UGT1A6: variants seen among roughly 807,000 people sequenced by gnomAD.
The protein encoded by UGT1A6 is UDP-glucuronosyltransferase 1A6.
UGT1A6 carries 32 observed loss-of-function variants against 44.4 expected under a neutral mutation model. The observed-to-expected ratio is 0.72, with a 90% CI of 0.54 to 0.97. UGT1A6 has a LOEUF of 0.97. Ranked by LOEUF, UGT1A6 falls within the 50% of genes least tolerant of loss-of-function variation. The pLI is 0.00. For synonymous variants in UGT1A6, 238 were observed against 248.5 expected (o/e 0.96, Z 0.40); for missense variants, 685 against 661.9 (o/e 1.03, Z -0.38).
rs1699312336 is a variant in UGT1A6, at chr2:233,767,034, G to A, written c.862G>A (p.Glu288Lys). ...CTGAAAATTTTTCTTCTGGCTCTAG[G>A]AATTTGAAGCCTACATTAATGCTTC... ...NCKKRKDLSQEFEAYINASGE... is the reference protein window; with the variant it reads ...NCKKRKDLSQKFEAYINASGE... The change falls in exon 2 of 5, where the codon GAA becomes AAA. Residue 288 changes from glutamate (E) to lysine (K), a missense_variant and splice_region_variant. Physicochemically the swap from Glu to Lys is moderately conservative, Grantham distance 56. Transcript: ENST00000305139. 16 of 1,614,030 alleles carry A rather than the reference G, an allele frequency of 9.9e-6. No homozygotes were observed. The highest frequency in any genetic ancestry group is 1.4e-5 in the Non-Finnish European group (16 of 1,180,002).
intron 1 of UGT1A6, chr2:233,760,792 G>C (rs1185395607): frequency 6.2e-7 from 1 of 1,613,510 alleles, no homozygotes. Flanking sequence ...TCTGCCCACT[G>C]TATTCTTCTT....
chr2:233,763,551 G>A (rs946650773), intron 1 of UGT1A6, among the ~76,000 whole-genome samples: 3 of 152,122 alleles, frequency 2.0e-5, no homozygotes, highest in African/African-American at 7.2e-5. Context: ...CTACTGGTTG[G>A]TCAAGTTACT....
intron 1 of UGT1A6, among the ~76,000 whole-genome samples, chr2:233,703,636 A>G (rs1485520646): frequency 2.0e-5 from 3 of 152,118 alleles, no homozygotes; most frequent in Admixed American, 2.0e-4. Context: ...TGATATTAGT[A>G]TAACCAATCT....
rs1178293466 is a variant in UGT1A6 at position 233,747,267 on chromosome 2, C to A, written c.862-19767C>A. On this transcript the variant is annotated intron_variant, in intron 1 of 4. Coordinates refer to ENST00000305139, the MANE Select transcript of UGT1A6 (RefSeq NM_001072.4). Reference sequence around the variant, plus strand: ...TGTGGCTGGCCACAGGAGTGCTACTCCTTCTCAGTGCCCAGCCCTGGGCTG... The same window carrying A: ...TGTGGCTGGCCACAGGAGTGCTACTACTTCTCAGTGCCCAGCCCTGGGCTG... 4 of 1,599,414 alleles carry A rather than the reference C, an allele frequency of 2.5e-6. No individual in the cohort carries two copies. In the South Asian group the frequency reaches 3.4e-5, roughly 13 times the overall value.
At chr2:233,717,182 C>A (rs1378916239) in intron 1 of UGT1A6, among the ~76,000 whole-genome samples, 1 of 152,140 alleles carries the variant, frequency 6.6e-6, no homozygotes, top group Non-Finnish European at 1.5e-5. Context: ...GCAAGAGCAC[C>A]CTCCCAGGCA....
At position 233,769,466 on chromosome 2, in the gene UGT1A6, T is replaced by C. The variant is rs1023177408; in HGVS notation, c.1301+1027T>C. On this transcript the variant is annotated intron_variant, in intron 4 of 4. Coordinates refer to ENST00000305139, the MANE Select transcript of UGT1A6 (RefSeq NM_001072.4). The surrounding 1 kb of genome is among the most constrained non-coding windows in gnomAD (Gnocchi z 4.4). ...GTGCACACGTGTGCATTCATATGCG[T>C]GTGTGTGTGTGTGCGTGTGTTTATG... 86 of 1,281,398 alleles carry C rather than the reference T, an allele frequency of 6.7e-5. No homozygotes were observed. The South Asian group carries it at 1.2e-3, about 18-fold the overall frequency. 79.4% of individuals were successfully genotyped at this position (1,281,398 alleles called of 1,614,324 possible).
At chr2:233,709,538 T>C (rs957537523) in intron 1 of UGT1A6, among the ~76,000 whole-genome samples, 1 of 152,188 alleles carries the variant, frequency 6.6e-6, no homozygotes, top group African/African-American at 2.4e-5. Flanking sequence ...CCTACTGTGA[T>C]ATATGTAAGT....
At chr2:233,719,310 T>C in intron 1 of UGT1A6, 6 of 1,613,982 alleles carry the variant, frequency 3.7e-6, no homozygotes, top group Non-Finnish European at 5.1e-6. Context: ...GCTGGCTAAG[T>C]ACCTGTCGAT....
At position 233,712,249 on chromosome 2, in the gene UGT1A6, T is replaced by C. The variant is rs1173166016; in HGVS notation, c.861+18384T>C. 2.0e-5 allele frequency among the ~76,000 whole-genome samples: 3 copies of C among 152,232 alleles called. No individual in the cohort carries two copies. The East Asian group carries it at 5.8e-4, about 29-fold the overall frequency. On this transcript the variant is annotated intron_variant, in intron 1 of 4. Coordinates refer to ENST00000305139, the MANE Select transcript of UGT1A6 (RefSeq NM_001072.4). ...CCACCATGGGTCTTTGCTAGGGTTGTCTTGCACATGTGTGCTTTAGACAGC... is the reference window on the plus strand; with the variant it reads ...CCACCATGGGTCTTTGCTAGGGTTGCCTTGCACATGTGTGCTTTAGACAGC...
At chr2:233,710,698 G>A (rs1267574766) in intron 1 of UGT1A6, among the ~76,000 whole-genome samples, 1 of 152,116 alleles carries the variant, frequency 6.6e-6, no homozygotes, top group Non-Finnish European at 1.5e-5. Flanking sequence ...TCTGGTGTGT[G>A]GTGTCCTTTG....
chr2:233,716,952 C>T (rs1236803568), intron 1 of UGT1A6, among the ~76,000 whole-genome samples: 3 of 152,142 alleles, frequency 2.0e-5, no homozygotes, highest in Non-Finnish European at 4.4e-5. Context: ...TCCCAGGCAC[C>T]AGGAATGTGA....
chr2:233,728,044 C>T (rs568632744), intron 1 of UGT1A6, among the ~76,000 whole-genome samples: 1 of 152,330 alleles, frequency 6.6e-6, no homozygotes, highest in African/African-American at 2.4e-5. Context: ...GGATAAGCCT[C>T]ATTGGGCTTG....
chr2:233,761,475 T>C (rs930055799), intron 1 of UGT1A6, among the ~76,000 whole-genome samples: 6 of 152,232 alleles, frequency 3.9e-5, no homozygotes, highest in African/African-American at 1.2e-4. Flanking sequence ...GAAAACTCAG[T>C]TGAAGCCTGC....
rs767800703 is a variant in UGT1A6 at position 233,760,482 on chromosome 2, G to A, written c.862-6552G>A. 9.3e-6 allele frequency: 15 copies of A among 1,614,120 alleles called. No homozygotes were observed. The highest frequency in any genetic ancestry group is 4.0e-5 in the African/African-American group (3 of 74,938). ...TAGTTGTCCTAGCACCTGACGCCTC[G>A]TTGTACATCAGAGACGGAGCATTTT... is the stretch of plus-strand genomic sequence containing the variant. On this transcript the variant is annotated intron_variant, in intron 1 of 4. Transcript: ENST00000305139.
chr2:233,754,737 G>A lies in UGT1A6; in HGVS notation c.862-12297G>A, dbSNP rs1218911837. 3 of 665,250 alleles carry A rather than the reference G, an allele frequency of 4.5e-6. No homozygotes were observed. In the East Asian group the frequency reaches 2.0e-4, roughly 44 times the overall value. The allele number at this position is 665,250 out of a possible 1,614,324, so 41.2% of individuals were successfully genotyped here. A position where few individuals can be genotyped will look rare whatever the true frequency, so the allele number is the denominator to read the frequency against. On this transcript the variant is annotated intron_variant, in intron 1 of 4. Transcript: ENST00000305139. Reference sequence around the variant, plus strand: ...GCTGCCTGTCCCATCACTACCGTAGGACATGCAGAAGGAAGAAAGGCCCCC... The same window carrying A: ...GCTGCCTGTCCCATCACTACCGTAGAACATGCAGAAGGAAGAAAGGCCCCC...
chr2:233,713,900 A>G, intron 1 of UGT1A6: 1 of 1,613,008 alleles, frequency 6.2e-7, no homozygotes, highest in South Asian at 1.1e-5. Flanking sequence ...TCCAGGCAAA[A>G]CACTTTTTAA....
chr2:233,772,468 T>C lies in UGT1A6; in HGVS notation c.1508T>C (p.Phe503Ser). ...TTGGCCGTCGTGCTGACAGTGGCCTTCATCACCTTTAAATGTTGTGCTTAT... is the reference window on the plus strand; with the variant it reads ...TTGGCCGTCGTGCTGACAGTGGCCTCCATCACCTTTAAATGTTGTGCTTAT... ...FLLAVVLTVA[F>S]ITFKCCAYGY... The change falls in exon 5 of 5, where the codon TTC becomes TCC. Residue 503 changes from phenylalanine to serine, a missense_variant. Coordinates refer to ENST00000305139, the MANE Select transcript of UGT1A6 (RefSeq NM_001072.4). 1 of 1,614,162 alleles carries C rather than the reference T, an allele frequency of 6.2e-7. No individual in the cohort carries two copies. Among genetic ancestry groups the C allele is most frequent in the South Asian group, 1.1e-5 (1 of 91,082 alleles).
chr2:233,769,665 G>T lies in UGT1A6; in HGVS notation c.1301+1226G>T. 6.3e-7 allele frequency: 1 copy of T among 1,592,194 alleles called. No homozygotes were observed. The highest frequency in any genetic ancestry group is 1.1e-5 in the South Asian group (1 of 88,390). The stretch of plus-strand genomic sequence containing the variant: ...TGATGACTGACTTCCCACCTTTGAG[G>T]TGCTAATGTGTGTGTGGTGGCACTG... On this transcript the variant is annotated intron_variant, in intron 4 of 4. Transcript: ENST00000305139. The surrounding 1 kb of genome is among the most constrained non-coding windows in gnomAD (Gnocchi z 4.4).
chr2:233,721,740 G>C lies in UGT1A6; in HGVS notation c.861+27875G>C, dbSNP rs151279989. 5 of 432,164 alleles carry C rather than the reference G, an allele frequency of 1.2e-5. No individual in the cohort carries two copies. The East Asian group carries it at 1.9e-4, about 16-fold the overall frequency. The allele number at this position is 432,164 out of a possible 1,614,324, so 26.8% of individuals were successfully genotyped here. ...TGTTTACTTGGATAAGCTTAATGAT[G>C]AGAGAATCTACATCTAAATTGTTAT... On this transcript the variant is annotated intron_variant, in intron 1 of 4. Coordinates refer to ENST00000305139, the MANE Select transcript of UGT1A6 (RefSeq NM_001072.4).
Sources: allele counts gnomAD v4.1 joint callset (sites outside exome capture counted in the v4.1 genomes callset), GRCh38; gene constraint gnomAD v4.1.1; non-coding constraint Gnocchi (gnomAD v3.1); transcripts MANE v1.5; gene names NCBI Gene and HGNC (gene_info 2026-07-23, HGNC 2026-07-21).